The following IKBKB variants were observed in gnomAD, a reference collection of about 807,000 sequenced individuals.
The protein encoded by IKBKB is inhibitor of nuclear factor kappa B kinase subunit beta, also known as inhibitor of nuclear factor kappa-B kinase subunit beta.
In IKBKB, 42 loss-of-function variants were observed where a neutral mutation model predicts 113.6. The ratio of observed to expected loss-of-function variants is 0.37; its 90% CI spans 0.29 to 0.48. The LOEUF (loss-of-function observed/expected upper bound fraction) is 0.48. Ranked by LOEUF, IKBKB falls within the 20% of genes least tolerant of loss-of-function variation. IKBKB has a pLI of 0.99. For synonymous variants in IKBKB, 296 were observed against 361.3 expected (o/e 0.82, Z 2.05); for missense variants, 673 against 939.7 (o/e 0.72, Z 3.71).
chr8:42,314,495 C>A, intron 9 of IKBKB, 66 bp downstream of exon 9: 1 of 1,079,194 alleles, frequency 9.3e-7, no homozygotes, highest in Non-Finnish European at 1.4e-6. Flanking sequence ...CAAGTCTTGG[C>A]TGGCCGTGGT....
chr8:42,291,658 TAAAA>T (rs753391025), intron 4 of IKBKB, among the ~76,000 whole-genome samples: 2 of 151,896 alleles, frequency 1.3e-5, no homozygotes, highest in Non-Finnish European at 2.9e-5. Flanking sequence ...TTGTGCCTCT[TAAAA>T]AAAAATTTTT....
intron 5 of IKBKB, among the ~76,000 whole-genome samples, chr8:42,301,192 A>G (rs1815138959): frequency 6.6e-6 from 1 of 152,204 alleles, no homozygotes; most frequent in Non-Finnish European, 1.5e-5. Flanking sequence ...ATAGTTTGCA[A>G]TGTGGTGCTT....
intron 2 of IKBKB, among the ~76,000 whole-genome samples, chr8:42,288,255 C>G (rs377611068): frequency 6.6e-6 from 1 of 151,950 alleles, no homozygotes; most frequent in African/African-American, 2.4e-5. Flanking sequence ...GGTGTGGTTG[C>G]GCATGCCTGT....
Position 42,320,043 on chromosome 8 carries a change from C to G in IKBKB, c.1578+397C>G, listed in dbSNP as rs139118629. The G allele has an allele frequency of 1.2e-3, 209 of 176,662 alleles. 2 individuals are homozygous for G. The highest frequency in any genetic ancestry group is 4.4e-3 in the African/African-American group (187 of 42,386). The allele number at this position is 176,662 out of a possible 1,614,324, so 10.9% of individuals were successfully genotyped here. A position where few individuals can be genotyped will look rare whatever the true frequency, so the allele number is the denominator to read the frequency against. On this transcript the variant is annotated intron_variant, in intron 15 of 21. Coordinates refer to ENST00000520810, the MANE Select transcript of IKBKB (RefSeq NM_001556.3). ...AATAAAAGGTCTAGGCAGAAAGTCTCAGGGCAGCGTAAATCAGATGTCACC... is the reference window on the plus strand; with the variant it reads ...AATAAAAGGTCTAGGCAGAAAGTCTGAGGGCAGCGTAAATCAGATGTCACC...
intron 5 of IKBKB, among the ~76,000 whole-genome samples, chr8:42,304,832 G>A (rs1020951258): frequency 5.3e-5 from 8 of 152,192 alleles, no homozygotes; most frequent in Non-Finnish European, 1.0e-4. Context: ...AACACAGATC[G>A]TGGGGTCATC....
chr8:42,331,103 G>C lies in IKBKB; in HGVS notation c.*124G>C, dbSNP rs181422855. The C allele has an allele frequency of 2.8e-6, 4 of 1,448,970 alleles. No homozygotes were observed. The highest frequency in any genetic ancestry group is 3.8e-6 in the Non-Finnish European group (4 of 1,061,816). 89.8% of individuals were successfully genotyped at this position (1,448,970 alleles called of 1,614,324 possible). A position where few individuals can be genotyped will look rare whatever the true frequency, so the allele number is the denominator to read the frequency against. ...GCGTGACGTGGGGCTGCCTGGCCGC[G>C]GCTCTCACATGGTGGTTCCTGCTGC... On this transcript the variant is annotated 3_prime_UTR_variant, in exon 22 of 22. Transcript: ENST00000520810.
rs977116744 is a variant in IKBKB at position 42,332,377 on chromosome 8, C to T, written c.*1398C>T. On this transcript the variant is annotated 3_prime_UTR_variant, in exon 22 of 22. Coordinates refer to ENST00000520810, the MANE Select transcript of IKBKB (RefSeq NM_001556.3). ...TCATTTGGCTATAGAAACATTTTCTCCTGCTGATTGTGTGTGTGAAACATG... is the reference window on the plus strand; with the variant it reads ...TCATTTGGCTATAGAAACATTTTCTTCTGCTGATTGTGTGTGTGAAACATG... 6.6e-6 allele frequency: 1 copy of T among 152,192 alleles called. No individual in the cohort carries two copies. Among genetic ancestry groups the T allele is most frequent in the Non-Finnish European group, 1.5e-5 (1 of 68,028 alleles). 9.4% of individuals were successfully genotyped at this position (152,192 alleles called of 1,614,324 possible).
In IKBKB at chr8:42,271,378, C is replaced by T. The variant is rs1800977175; in HGVS notation, c.-110C>T. On this transcript the variant is annotated 5_prime_UTR_variant, in exon 1 of 22. Coordinates refer to ENST00000520810, the MANE Select transcript of IKBKB (RefSeq NM_001556.3). ...TAAGATTCCCGCATTTTAATGTTTT[C>T]AGGGGGGTGTCATAGCCCCGGGTTT... The T allele has an allele frequency of 6.6e-7, 1 of 1,507,566 alleles. No homozygotes were observed. Among genetic ancestry groups the T allele is most frequent in the Non-Finnish European group, 8.9e-7 (1 of 1,121,858 alleles). The allele number at this position is 1,507,566 out of a possible 1,614,324, so 93.4% of individuals were successfully genotyped here. A position where few individuals can be genotyped will look rare whatever the true frequency, so the allele number is the denominator to read the frequency against.
At chr8:42,314,057 T>C in intron 8 of IKBKB, 1 of 405,018 alleles carries the variant, frequency 2.5e-6, no homozygotes, top group Non-Finnish European at 4.5e-6. Context: ...TTACTGTACC[T>C]TTTCTGGGTT....
intron 21 of IKBKB, chr8:42,330,424 G>A (rs927361965): frequency 2.4e-5 from 12 of 502,224 alleles, no homozygotes; most frequent in African/African-American, 2.1e-4. Flanking sequence ...GGCCTCAAGC[G>A]ATCCGCTCGC....
At chr8:42,272,939 C>CAAAA (rs71221204) in intron 2 of IKBKB, among the ~76,000 whole-genome samples, 5 of 51,538 alleles carry the variant, frequency 9.7e-5, no homozygotes, top group African/African-American at 2.7e-4. Context: ...GACTCCGTCT[C>CAAAA]AAAAAAAAAA....
intron 5 of IKBKB, chr8:42,298,603 A>G (rs1440527863): frequency 1.1e-5 from 5 of 455,200 alleles, no homozygotes; most frequent in Non-Finnish European, 1.4e-5. Flanking sequence ...TGGAAAGCAT[A>G]AGTAACCAGG....
chr8:42,283,433 G>C (rs890930671), intron 2 of IKBKB, among the ~76,000 whole-genome samples: 1 of 152,192 alleles, frequency 6.6e-6, no homozygotes, highest in African/African-American at 2.4e-5. Flanking sequence ...GATTGGCCTG[G>C]CTTCCCTGGG....
chr8:42,290,030 C>A, intron 3 of IKBKB, 126 bp from the exon 4 acceptor site: 1 of 677,770 alleles, frequency 1.5e-6, no homozygotes, highest in Non-Finnish European at 2.6e-6. Context: ...CCGTCCTGGG[C>A]TCTGTCTTCC....
chr8:42,315,018 A>G (rs556021243), intron 9 of IKBKB, among the ~76,000 whole-genome samples: 2 of 152,130 alleles, frequency 1.3e-5, no homozygotes, highest in African/African-American at 2.4e-5. Context: ...TCGGTTTTGC[A>G]TAGGGTTTAT....
chr8:42,277,145 A>G lies in IKBKB; in HGVS notation c.105+4940A>G, dbSNP rs1809317939. On this transcript the variant is annotated intron_variant, in intron 2 of 21. Transcript: ENST00000520810. ...CGGCCTCCCAAAGTGCTGGGATTAC[A>G]GGCGTGAGCCACCGCACCCGGCCAC... 2.0e-5 allele frequency among the ~76,000 whole-genome samples: 3 copies of G among 147,932 alleles called. No individual in the cohort carries two copies. The South Asian group carries it at 6.4e-4, about 31-fold the overall frequency.
At chr8:42,294,935 T>G (rs1018849687) in intron 5 of IKBKB, among the ~76,000 whole-genome samples, 2 of 152,166 alleles carry the variant, frequency 1.3e-5, no homozygotes, top group Non-Finnish European at 2.9e-5. Flanking sequence ...TTGAATTGGG[T>G]TGAAGGCAGG....
At position 42,326,087 on chromosome 8, in the gene IKBKB, G is replaced by C. The variant is rs200260868; in HGVS notation, c.2104G>C (p.Ala702Pro). ...GGCCTCCAACAGCTTACCTGAGCCA[G>C]CCAAGAAGAGGTAGGTCCTCCTTAG... is the stretch of plus-strand genomic sequence containing the variant. ...STASNSLPEP[A>P]KKSEELVAEA... The change falls in exon 20 of 22, where the codon GCC becomes CCC. Residue 702 changes from alanine (A) to proline (P), a missense_variant. By Grantham distance (27) the Ala-to-Pro change is conservative (BLOSUM62 -1). Around this residue, in one of 2 missense-constraint regions of IKBKB, gnomAD observed 506 missense variants for 638.7 expected, o/e 0.79. Transcript: ENST00000520810. The C allele has an allele frequency of 6.2e-7, 1 of 1,614,222 alleles. No homozygotes were observed. Among genetic ancestry groups the C allele is most frequent in the Non-Finnish European group, 8.5e-7 (1 of 1,180,036 alleles).
At position 42,305,174 on chromosome 8, in the gene IKBKB, C is replaced by G; in HGVS notation, c.389-13C>G. ...TTTTAGGCCTAAGAAAAACTCACCCCCCTCTTCCTCAGCCTCTGCGCTTAG... is the reference window on the plus strand; with the variant it reads ...TTTTAGGCCTAAGAAAAACTCACCCGCCTCTTCCTCAGCCTCTGCGCTTAG... On this transcript the variant is annotated splice_polypyrimidine_tract_variant and intron_variant, in intron 5 of 21. Transcript: ENST00000520810. 3.7e-6 allele frequency: 6 copies of G among 1,602,760 alleles called. No homozygotes were observed. Among genetic ancestry groups the G allele is most frequent in the South Asian group, 1.1e-5 (1 of 90,674 alleles).
Sources: gnomAD v4.1 joint callset for allele counts (sites outside exome capture counted in the v4.1 genomes callset) on GRCh38, gnomAD v4.1.1 for gene constraint, gnomAD v4.1.1 regional missense constraint, MANE v1.5 for transcripts, NCBI Gene and HGNC (gene_info 2026-07-23, HGNC 2026-07-21) for gene names.